Variants in ANGPT2 observed in about 807,000 individuals in gnomAD.
The protein encoded by ANGPT2 is angiopoietin 2, also known as angiopoietin-2.
Under a neutral mutation model 62.9 loss-of-function variants are expected in ANGPT2, and 28 were observed. That is an observed-to-expected ratio of 0.44 (90% CI 0.33 to 0.61). ANGPT2 has a LOEUF of 0.61. Ranked by LOEUF, ANGPT2 falls within the 20% of genes least tolerant of loss-of-function variation. The pLI is 0.03. For synonymous variants in ANGPT2, 284 were observed against 207.8 expected (o/e 1.37, Z -3.15); for missense variants, 727 against 594.9 (o/e 1.22, Z -2.31).
chr8:6,527,657 C>G lies in ANGPT2; in HGVS notation c.464G>C (p.Arg155Thr), dbSNP rs372474985. The G allele has an allele frequency of 1.2e-6, 2 of 1,613,704 alleles. No homozygotes were observed. Among genetic ancestry groups the G allele is most frequent in the African/African-American group, 1.3e-5 (1 of 74,912 alleles). Residue 155 changes from arginine to threonine, a missense_variant, in exon 3 of 9, where the codon AGA (arginine) becomes ACA (threonine). By Grantham distance (71) the Arg-to-Thr change is moderately conservative (BLOSUM62 -1). Transcript: ENST00000629816. Reference sequence around the variant, plus strand: ...GTGTTCCAAGAGCTGAAGTTCAAGTCTCGTGGTCTGATTTAATACCTAAAT... The same window carrying G: ...GTGTTCCAAGAGCTGAAGTTCAAGTGTCGTGGTCTGATTTAATACCTAAAT... ...VEAQVLNQTTRLELQLLEHSL... is the reference protein window; with the variant it reads ...VEAQVLNQTTTLELQLLEHSL...
chr8:6,528,936 G>A (rs1160791902), intron 2 of ANGPT2, among the ~76,000 whole-genome samples: 1 of 152,164 alleles, frequency 6.6e-6, no homozygotes, highest in Non-Finnish European at 1.5e-5. Flanking sequence ...TTTTGTTTGG[G>A]TTTTAATATT....
At chr8:6,562,114 C>G (rs532926296) in intron 1 of ANGPT2, among the ~76,000 whole-genome samples, 14 of 152,316 alleles carry the variant, frequency 9.2e-5, no homozygotes, top group African/African-American at 3.4e-4. Context: ...ATTTAATTTC[C>G]TCTCGTTTAC....
intron 1 of ANGPT2, among the ~76,000 whole-genome samples, chr8:6,535,698 G>T (rs1014547253): frequency 1.3e-5 from 2 of 152,186 alleles, no homozygotes; most frequent in African/African-American, 4.8e-5. Context: ...AAGTCTTTGG[G>T]AGAAGAATGG....
At chr8:6,504,407 C>A (rs1812858238) in intron 8 of ANGPT2, among the ~76,000 whole-genome samples, 1 of 151,992 alleles carries the variant, frequency 6.6e-6, no homozygotes, top group African/African-American at 2.4e-5. Context: ...CCACTTCATC[C>A]CTCCCAGAAC....
At chr8:6,514,134 C>G (rs778971260) in intron 6 of ANGPT2, among the ~76,000 whole-genome samples, 2 of 152,146 alleles carry the variant, frequency 1.3e-5, no homozygotes, top group Non-Finnish European at 2.9e-5. Flanking sequence ...TGTGAAGCAC[C>G]ATTAAACAGT....
intron 1 of ANGPT2, among the ~76,000 whole-genome samples, chr8:6,547,397 C>G (rs1407037437): frequency 6.6e-6 from 1 of 152,096 alleles, no homozygotes; most frequent in African/African-American, 2.4e-5. Flanking sequence ...GCAATGGAAG[C>G]TAGTGGAAAT....
In ANGPT2 at chr8:6,527,676, C is replaced by T. The variant is rs1195089535; in HGVS notation, c.445G>A (p.Val149Ile). ...TCAAGTCTCGTGGTCTGATTTAATA[C>T]CTAAATGTAACAAAATGAAGTTCCT... ...TRKLTDVEAQVLNQTTRLELQ... is the reference protein window; with the variant it reads ...TRKLTDVEAQILNQTTRLELQ... The change falls in exon 3 of 9, where the codon GTA becomes ATA. Residue 149 changes from valine (V) to isoleucine (I), a missense_variant and splice_region_variant. Physicochemically the swap from Val to Ile is conservative, Grantham distance 29 (BLOSUM62 3). Coordinates refer to ENST00000629816, the MANE Select transcript of ANGPT2 (RefSeq NM_001118887.2). 2 of 1,602,972 alleles carry T rather than the reference C, an allele frequency of 1.2e-6. No homozygotes were observed. The highest frequency in any genetic ancestry group is 1.1e-5 in the South Asian group (1 of 87,410).
At chr8:6,520,574 T>C (rs1176015682) in intron 4 of ANGPT2, among the ~76,000 whole-genome samples, 1 of 152,132 alleles carries the variant, frequency 6.6e-6, no homozygotes, top group East Asian at 1.9e-4. Context: ...TTTTGTATTT[T>C]TAGTAGAGAC....
At position 6,514,758 on chromosome 8, in the gene ANGPT2, A is replaced by G. The variant is rs773542523; in HGVS notation, c.948T>C (p.Ala316=). The change falls in exon 6 of 9, where the codon GCT becomes GCC. Residue 316 remains alanine, a synonymous_variant. Transcript: ENST00000629816. The stretch of plus-strand genomic sequence containing the variant: ...GAATAATTGTCCACCCGCCTCCTCC[A>G]GCTTCCATGTCACAGTAGGCCTGCA... ...EEIKAYCDME[A]GGGGWTIIQR... is the part of the protein sequence containing the mutation. 4 of 1,613,852 alleles carry G rather than the reference A, an allele frequency of 2.5e-6. No homozygotes were observed. The Admixed American group carries it at 6.7e-5, about 27-fold the overall frequency.
At position 6,555,892 on chromosome 8, in the gene ANGPT2, T is replaced by G. The variant is rs543930046; in HGVS notation, c.288+6755A>C. On this transcript the variant is annotated intron_variant, in intron 1 of 8. Transcript: ENST00000629816. ...ACAGGATATTCCCAGTTGCTTGTTT[T>G]TGCTTGTTTTCCTAGCAGCTTCAGC... Among the ~76,000 whole-genome samples, 5 of 152,316 alleles carry G rather than the reference T, an allele frequency of 3.3e-5. No individual in the cohort carries two copies. The East Asian group carries it at 9.6e-4, about 29-fold the overall frequency.
intron 1 of ANGPT2, among the ~76,000 whole-genome samples, chr8:6,558,315 G>A (rs911377047): frequency 2.6e-5 from 4 of 152,112 alleles, no homozygotes; most frequent in Non-Finnish European, 4.4e-5. Flanking sequence ...CATTTTAATA[G>A]CCTGACATAT....
At chr8:6,544,051 A>C (rs1489225868) in intron 1 of ANGPT2, among the ~76,000 whole-genome samples, 1 of 152,256 alleles carries the variant, frequency 6.6e-6, no homozygotes, top group African/African-American at 2.4e-5. Context: ...ATGGAGCAAA[A>C]GCAAAACAAT....
rs1812341865 is a variant in ANGPT2, at chr8:6,502,307, G to C, written c.*794C>G. 1 of 151,974 alleles carries C rather than the reference G, an allele frequency of 6.6e-6. No individual in the cohort carries two copies. Among genetic ancestry groups the C allele is most frequent in the Non-Finnish European group, 1.5e-5 (1 of 67,996 alleles). 9.4% of individuals were successfully genotyped at this position (151,974 alleles called of 1,614,324 possible). A position where few individuals can be genotyped will look rare whatever the true frequency, so the allele number is the denominator to read the frequency against. ...TAAACATAGGCATATCCCCTAATAAGTTATATTTAATTACTAAAAATACCT... is the reference window on the plus strand; with the variant it reads ...TAAACATAGGCATATCCCCTAATAACTTATATTTAATTACTAAAAATACCT... On this transcript the variant is annotated 3_prime_UTR_variant, in exon 9 of 9. Coordinates refer to ENST00000629816, the MANE Select transcript of ANGPT2 (RefSeq NM_001118887.2).
chr8:6,540,959 G>A (rs896103157), intron 1 of ANGPT2, among the ~76,000 whole-genome samples: 12 of 152,254 alleles, frequency 7.9e-5, no homozygotes, highest in Non-Finnish European at 1.3e-4. Context: ...AATGGGGACT[G>A]CTGTCCCCAG....
intron 1 of ANGPT2, among the ~76,000 whole-genome samples, chr8:6,558,164 G>A (rs933023257): frequency 1.3e-4 from 20 of 152,118 alleles, no homozygotes; most frequent in East Asian, 5.8e-4. Flanking sequence ...GCCACTGTAC[G>A]TGTTTTAAAA....
intron 6 of ANGPT2, among the ~76,000 whole-genome samples, 200 bp from the exon 7 acceptor site, chr8:6,514,044 A>G (rs910157100): frequency 6.6e-6 from 1 of 152,192 alleles, no homozygotes; most frequent in Non-Finnish European, 1.5e-5. Context: ...CTGCTGGAAG[A>G]AAACTTGTAT....
intron 4 of ANGPT2, among the ~76,000 whole-genome samples, chr8:6,520,718 C>A (rs117372330): frequency 6.6e-6 from 1 of 152,070 alleles, no homozygotes; most frequent in Non-Finnish European, 1.5e-5. Flanking sequence ...ATATAAGAGA[C>A]GCTGCAAAGT....
intron 1 of ANGPT2, among the ~76,000 whole-genome samples, chr8:6,556,789 C>G (rs549335261): frequency 1.3e-5 from 2 of 152,106 alleles, no homozygotes; most frequent in East Asian, 3.9e-4. Context: ...GGGTCTCACT[C>G]TGTTGACCAG....
At chr8:6,510,733 ATGTT>A (rs1371316385) in intron 7 of ANGPT2, among the ~76,000 whole-genome samples, 2 of 152,148 alleles carry the variant, frequency 1.3e-5, no homozygotes, top group African/African-American at 4.8e-5. Context: ...CTAAACAGAG[ATGTT>A]TGTTTGTTGA....
Sources: allele counts gnomAD v4.1 joint callset (sites outside exome capture counted in the v4.1 genomes callset), GRCh38; gene constraint gnomAD v4.1.1; transcripts MANE v1.5; gene names NCBI Gene and HGNC (gene_info 2026-07-23, HGNC 2026-07-21).